The following PTPRT variants were observed in gnomAD, a reference collection of about 807,000 sequenced individuals.
PTPRT encodes the protein receptor-type tyrosine-protein phosphatase T.
Under a neutral mutation model 176.8 loss-of-function variants are expected in PTPRT, and 56 were observed. The observed-to-expected ratio is 0.32, with a 90% CI of 0.26 to 0.40. PTPRT has a LOEUF of 0.40. Ranked by LOEUF, PTPRT falls within the 10% of genes least tolerant of loss-of-function variation. The pLI, the probability that PTPRT is intolerant of heterozygous loss-of-function variation, is 1.00. For missense variants in PTPRT, 1,540 were observed against 1,908.2 expected (o/e 0.81, Z 3.60); for synonymous variants, 783 against 739.0 (o/e 1.06, Z -0.96).
At chr20:42,667,657 T>G (rs2075339167) in intron 7 of PTPRT, among the ~76,000 whole-genome samples, 1 of 152,224 alleles carries the variant, frequency 6.6e-6, no homozygotes, top group South Asian at 2.1e-4. Flanking sequence ...GGATTACTTG[T>G]TGACTTACTA....
chr20:42,237,248 T>C (rs1205081258), intron 14 of PTPRT, among the ~76,000 whole-genome samples: 2 of 152,016 alleles, frequency 1.3e-5, no homozygotes, highest in Non-Finnish European at 2.9e-5. Context: ...ATTTTGGGGG[T>C]AGTTTGTTAC....
At position 42,772,400 on chromosome 20, in the gene PTPRT, T is replaced by C. The variant is rs2077075672; in HGVS notation, c.569-850A>G. Among the ~76,000 whole-genome samples, 3 of 152,170 alleles carry C rather than the reference T, an allele frequency of 2.0e-5. No homozygotes were observed. The South Asian group carries it at 6.2e-4, about 32-fold the overall frequency. On this transcript the variant is annotated intron_variant, in intron 4 of 30. Transcript: ENST00000373187. ...TGCTTTCTGAGCATGAGGGGGAGCG[T>C]TGATTCTAGGGACTGGACATAACAG...
At chr20:42,304,512 GAA>G (rs2057515856) in intron 12 of PTPRT, among the ~76,000 whole-genome samples, 1 of 152,078 alleles carries the variant, frequency 6.6e-6, no homozygotes, top group Non-Finnish European at 1.5e-5. Context: ...TCCAAAAGAA[GAA>G]GAGACTCAGA....
chr20:42,624,005 C>CAAAAAAAAAAAAAAAAAAAAAAAACA (rs1159094345), intron 7 of PTPRT, among the ~76,000 whole-genome samples: 1 of 135,686 alleles, frequency 7.4e-6, no homozygotes, highest in African/African-American at 3.2e-5. Flanking sequence ...AAAACAATAG[C>CAAAAAAAAAAAAAAAAAAAAAAAACA]AACAAACAAA....
chr20:42,732,815 G>A (rs2076481715), intron 6 of PTPRT, among the ~76,000 whole-genome samples: 1 of 152,156 alleles, frequency 6.6e-6, no homozygotes, highest in Admixed American at 6.5e-5. Flanking sequence ...TGAAAAGAAG[G>A]AAAAATGTAC....
intron 7 of PTPRT, among the ~76,000 whole-genome samples, chr20:42,557,334 G>A (rs2072877794): frequency 6.6e-6 from 1 of 152,024 alleles, no homozygotes; most frequent in Admixed American, 6.6e-5. Flanking sequence ...TAAATGTACA[G>A]AATGGCTACT....
At chr20:42,482,276 G>A (rs929375543) in intron 7 of PTPRT, among the ~76,000 whole-genome samples, 14 of 152,070 alleles carry the variant, frequency 9.2e-5, no homozygotes, top group East Asian at 5.8e-4. Flanking sequence ...TGAGTGGACC[G>A]TCCACAAGAG....
rs1383183913 is a variant in PTPRT at position 42,619,435 on chromosome 20, C to T, written c.1153+58431G>A. Among the ~76,000 whole-genome samples the T allele has an allele frequency of 4.9e-5, 6 of 122,770 alleles. 1 individual carries two copies. Among genetic ancestry groups the T allele is most frequent in the Non-Finnish European group, 8.1e-5 (5 of 61,402 alleles). 80.5% of individuals were successfully genotyped at this position (122,770 alleles called of 152,430 possible). ...TTATGTGTCTTGGAGTTGCTCTTCTCGAGGAGTATCTTTGTGGCATTCTCT... is the reference window on the plus strand; with the variant it reads ...TTATGTGTCTTGGAGTTGCTCTTCTTGAGGAGTATCTTTGTGGCATTCTCT... On this transcript the variant is annotated intron_variant, in intron 7 of 30. Transcript: ENST00000373187.
chr20:43,159,097 CA>C (rs1236461200), intron 1 of PTPRT, among the ~76,000 whole-genome samples: 1 of 152,126 alleles, frequency 6.6e-6, no homozygotes, highest in African/African-American at 2.4e-5. Flanking sequence ...AGAAAGAAGC[CA>C]GTGAAGGGTG....
intron 7 of PTPRT, among the ~76,000 whole-genome samples, chr20:42,617,408 G>T (rs2074102802): frequency 7.5e-6 from 1 of 133,032 alleles, no homozygotes; most frequent in Non-Finnish European, 1.6e-5. Context: ...CTCTTTTTTG[G>T]TTGTGTCTCT....
Position 42,813,090 on chromosome 20 carries a change from A to G in PTPRT, c.215-21624T>C, listed in dbSNP as rs148425245. ...TGTTTTTTCCAGCAATGTATATTCT[A>G]TTTTGTTTTTGTATTGTTTCACTTT... On this transcript the variant is annotated intron_variant, in intron 2 of 30. Transcript: ENST00000373187. 4.8e-4 allele frequency among the ~76,000 whole-genome samples: 73 copies of G among 151,952 alleles called. 1 individual carries two copies. In the East Asian group the frequency reaches 0.013, roughly 27 times the overall value.
chr20:42,959,636 T>A (rs914685199), intron 1 of PTPRT, among the ~76,000 whole-genome samples: 1 of 151,880 alleles, frequency 6.6e-6, no homozygotes, highest in Non-Finnish European at 1.5e-5. Context: ...GGAAAAAAAA[T>A]AAAACAAAAG....
chr20:42,127,662 T>C (rs1987926321), intron 19 of PTPRT, among the ~76,000 whole-genome samples: 1 of 152,184 alleles, frequency 6.6e-6, no homozygotes, highest in Non-Finnish European at 1.5e-5. Flanking sequence ...TCAAGACCCA[T>C]GGACTGTGAG....
chr20:42,286,460 T>C (rs1285078103), intron 12 of PTPRT, among the ~76,000 whole-genome samples: 1 of 151,850 alleles, frequency 6.6e-6, no homozygotes, highest in Non-Finnish European at 1.5e-5. Flanking sequence ...TTTGATAAAG[T>C]CACCAAGAAC....
At chr20:42,217,878 A>T (rs2055810686) in intron 15 of PTPRT, among the ~76,000 whole-genome samples, 1 of 152,272 alleles carries the variant, frequency 6.6e-6, no homozygotes, top group African/African-American at 2.4e-5. Context: ...CCATGTGCTT[A>T]GTATTTTAAA....
intron 13 of PTPRT, among the ~76,000 whole-genome samples, chr20:42,272,074 C>A (rs940316086): frequency 1.4e-4 from 21 of 152,096 alleles, no homozygotes; most frequent in African/African-American, 5.1e-4. Flanking sequence ...CCAAATCTGG[C>A]CCCCCACTCC....
chr20:42,920,568 CT>C (rs201041643), intron 1 of PTPRT, among the ~76,000 whole-genome samples: 72 of 140,710 alleles, frequency 5.1e-4, no homozygotes, highest in African/African-American at 1.6e-3. Flanking sequence ...TACCTTAATA[CT>C]TTTTTTTTTC....
At chr20:43,012,378 A>T (rs1985172896) in intron 1 of PTPRT, among the ~76,000 whole-genome samples, 1 of 152,206 alleles carries the variant, frequency 6.6e-6, no homozygotes, top group African/African-American at 2.4e-5. Flanking sequence ...TAGAGTAGTC[A>T]AATTTACAGA....
intron 6 of PTPRT, among the ~76,000 whole-genome samples, chr20:42,751,192 T>C (rs2076765001): frequency 6.6e-6 from 1 of 152,132 alleles, no homozygotes; most frequent in African/African-American, 2.4e-5. Context: ...GAGTACCTGC[T>C]GTGGAAGCCA....
Sources: gnomAD v4.1 joint callset for allele counts (sites outside exome capture counted in the v4.1 genomes callset) on GRCh38, gnomAD v4.1.1 for gene constraint, MANE v1.5 for transcripts, NCBI Gene and HGNC (gene_info 2026-07-23, HGNC 2026-07-21) for gene names.